LRRC3B: variants seen among roughly 807,000 people sequenced by gnomAD.
The protein encoded by LRRC3B is leucine rich repeat containing 3B.
Under a neutral mutation model 12.8 loss-of-function variants are expected in LRRC3B, and 2 were observed. The observed-to-expected ratio is 0.16, with a 90% CI of 0.06 to 0.49. The LOEUF is 0.49. LRRC3B is among the 20% of genes least tolerant of loss of function. LRRC3B has a pLI of 0.96. For synonymous variants in LRRC3B, 132 were observed against 122.0 expected (o/e 1.08, Z -0.54); for missense variants, 189 against 319.4 (o/e 0.59, Z 3.11).
exon 2 of LRRC3B, chr3:26,709,814 G>A (rs1559376782): frequency 6.2e-7 from 1 of 1,613,944 alleles, no homozygotes; most frequent in Non-Finnish European, 8.5e-7. Context: ...GGGTTTAAAT[G>A]TCACCTGTAG....
At chr3:26,676,884 T>C (rs1699871624) in intron 1 of LRRC3B, among the ~76,000 whole-genome samples, 1 of 152,198 alleles carries the variant, frequency 6.6e-6, no homozygotes. Context: ...AACACTGATC[T>C]GGCAGTGTGA....
chr3:26,681,611 G>T (rs906072133), intron 1 of LRRC3B, among the ~76,000 whole-genome samples: 1 of 152,158 alleles, frequency 6.6e-6, no homozygotes, highest in South Asian at 2.1e-4. Context: ...CTCTGGAGGT[G>T]AAATAGGATA....
intron 1 of LRRC3B, among the ~76,000 whole-genome samples, chr3:26,662,579 C>T (rs1699515099): frequency 6.6e-6 from 1 of 152,086 alleles, no homozygotes; most frequent in Non-Finnish European, 1.5e-5. Context: ...GATAGACAGA[C>T]AGACAGATAA....
intron 1 of LRRC3B, among the ~76,000 whole-genome samples, chr3:26,638,966 G>A (rs1178157298): frequency 6.6e-6 from 1 of 152,172 alleles, no homozygotes; most frequent in African/African-American, 2.4e-5. Context: ...AGGTGGAGAC[G>A]AGGTAGGGAT....
chr3:26,701,537 C>A (rs561220085), intron 1 of LRRC3B, among the ~76,000 whole-genome samples: 32 of 152,212 alleles, frequency 2.1e-4, no homozygotes, highest in South Asian at 1.2e-3. Flanking sequence ...ACTCAAGATG[C>A]TCGCTCCTTG....
chr3:26,653,900 G>A (rs1439200846), intron 1 of LRRC3B, among the ~76,000 whole-genome samples: 1 of 152,170 alleles, frequency 6.6e-6, no homozygotes, highest in Non-Finnish European at 1.5e-5. Flanking sequence ...AAGTGAATTA[G>A]ACTATATGGA....
intron 1 of LRRC3B, among the ~76,000 whole-genome samples, chr3:26,685,607 G>A (rs1028812501): frequency 8.2e-6 from 1 of 121,306 alleles, no homozygotes; most frequent in Non-Finnish European, 1.6e-5. Flanking sequence ...ATATATATAT[G>A]TGTGTGTGTA....
intron 1 of LRRC3B, among the ~76,000 whole-genome samples, chr3:26,658,178 G>T (rs1471452324): frequency 6.6e-6 from 1 of 152,100 alleles, no homozygotes; most frequent in Non-Finnish European, 1.5e-5. Flanking sequence ...CCGGGTTCAC[G>T]CCATTCTCCT....
chr3:26,659,074 G>A (rs1441938288), intron 1 of LRRC3B, among the ~76,000 whole-genome samples: 1 of 152,168 alleles, frequency 6.6e-6, no homozygotes, highest in Non-Finnish European at 1.5e-5. Flanking sequence ...GTTAAAAATG[G>A]GAGGTGGAAG....
intron 1 of LRRC3B, among the ~76,000 whole-genome samples, chr3:26,652,282 G>A (rs34371465): frequency 2.0e-5 from 3 of 152,220 alleles, no homozygotes; most frequent in Non-Finnish European, 2.9e-5. Context: ...GGGAGGGAAG[G>A]ACAGCTGGGG....
chr3:26,676,225 C>T (rs1699857399), intron 1 of LRRC3B, among the ~76,000 whole-genome samples: 1 of 136,630 alleles, frequency 7.3e-6, no homozygotes, highest in Non-Finnish European at 1.6e-5. Context: ...TAATGCTATC[C>T]CTTCCCCCTC....
intron 1 of LRRC3B, among the ~76,000 whole-genome samples, chr3:26,660,081 A>G (rs139284948): frequency 1.3e-5 from 2 of 152,146 alleles, no homozygotes; most frequent in East Asian, 3.9e-4. Context: ...TTAGTAGGAG[A>G]AAATATAGGG....
intron 1 of LRRC3B, among the ~76,000 whole-genome samples, chr3:26,637,883 C>A (rs2125405661): frequency 1.3e-5 from 2 of 152,278 alleles, no homozygotes; most frequent in Admixed American, 1.3e-4. Flanking sequence ...TAACACATTT[C>A]AACATTTTGT....
At chr3:26,689,118 G>A (rs574661281) in intron 1 of LRRC3B, among the ~76,000 whole-genome samples, 7 of 152,162 alleles carry the variant, frequency 4.6e-5, no homozygotes, top group Admixed American at 1.3e-4. Context: ...AGCATGAGGA[G>A]CCCTTATAGA....
intron 1 of LRRC3B, among the ~76,000 whole-genome samples, chr3:26,705,776 T>C (rs1485026081): frequency 6.6e-6 from 1 of 152,162 alleles, no homozygotes; most frequent in Non-Finnish European, 1.5e-5. Context: ...AATATCCACC[T>C]CTTTTTCTCT....
intron 1 of LRRC3B, among the ~76,000 whole-genome samples, chr3:26,671,209 G>T (rs1575145682): frequency 1.4e-5 from 2 of 144,364 alleles, no homozygotes; most frequent in Non-Finnish European, 1.5e-5. Flanking sequence ...TAGAGACGGG[G>T]TTTCACCGTT....
chr3:26,667,049 C>T (rs1012847703), intron 1 of LRRC3B, among the ~76,000 whole-genome samples: 6 of 149,958 alleles, frequency 4.0e-5, no homozygotes, highest in African/African-American at 1.5e-4. Context: ...TGTCTGGGCT[C>T]CTTGAATTCT....
intron 1 of LRRC3B, among the ~76,000 whole-genome samples, chr3:26,631,265 G>A (rs1051647794): frequency 3.9e-5 from 6 of 152,140 alleles, no homozygotes; most frequent in Non-Finnish European, 8.8e-5. Flanking sequence ...CTGTAGCCTT[G>A]GCCAATATCA....
chr3:26,638,409 C>CG (rs1225958568), intron 1 of LRRC3B, among the ~76,000 whole-genome samples: 5 of 151,780 alleles, frequency 3.3e-5, no homozygotes, highest in South Asian at 2.1e-4. Flanking sequence ...TAAGGGTCAA[C>CG]GGAAAAAAAA....
Sources: allele counts gnomAD v4.1 joint callset (sites outside exome capture counted in the v4.1 genomes callset), GRCh38; gene constraint gnomAD v4.1.1; transcripts MANE v1.5; gene names NCBI Gene and HGNC (gene_info 2026-07-23, HGNC 2026-07-21).